The following PRKCE variants were observed in gnomAD, a reference collection of about 807,000 sequenced individuals.
PRKCE encodes the protein protein kinase C epsilon type.
PRKCE carries 16 observed loss-of-function variants against 85.4 expected under a neutral mutation model. That is an observed-to-expected ratio of 0.19 (90% CI 0.13 to 0.28). PRKCE has a LOEUF of 0.28. PRKCE is among the 10% of genes least tolerant of loss of function. The pLI, the probability that PRKCE is intolerant of heterozygous loss-of-function variation, is 1.00. For missense variants in PRKCE, 573 were observed against 975.2 expected, an observed-to-expected ratio of 0.59 and a Z score of 5.49; for synonymous variants, 388 against 371.5, an observed-to-expected ratio of 1.04 and a Z score of -0.51.
At chr2:45,978,826 C>A in intron 3 of PRKCE, 150 bp from the exon 4 acceptor site, 1 of 655,068 alleles carries the variant, frequency 1.5e-6, no homozygotes, top group Non-Finnish European at 2.6e-6. Context: ...ATTTAAGGCA[C>A]CTTGCAAGTG....
chr2:45,869,742 C>T (rs1693933924), intron 2 of PRKCE, among the ~76,000 whole-genome samples: 1 of 128,256 alleles, frequency 7.8e-6, no homozygotes, highest in Non-Finnish European at 1.6e-5. Flanking sequence ...GTGTCTCACT[C>T]TGTCACCCAG....
Position 46,145,445 on chromosome 2 carries a change from A to G in PRKCE, c.1731+214A>G, listed in dbSNP as rs1004581286. 1.3e-5 allele frequency among the ~76,000 whole-genome samples: 2 copies of G among 152,174 alleles called. No individual in the cohort carries two copies. The highest frequency in any genetic ancestry group is 4.8e-5 in the African/African-American group (2 of 41,438). Reference sequence around the variant, plus strand: ...TTGGGGAGATGATGAGTGAAATGAGAGTAACAGGCTATTTCCCAAACCCGG... The same window carrying G: ...TTGGGGAGATGATGAGTGAAATGAGGGTAACAGGCTATTTCCCAAACCCGG... On this transcript the variant is annotated intron_variant, in intron 12 of 14. Coordinates refer to ENST00000306156, the MANE Select transcript of PRKCE (RefSeq NM_005400.3). The surrounding 1 kb of genome is among the most constrained non-coding windows in gnomAD (Gnocchi z 4.6).
chr2:46,016,789 A>T (rs1706192145), intron 10 of PRKCE, among the ~76,000 whole-genome samples: 2 of 151,716 alleles, frequency 1.3e-5, no homozygotes, highest in African/African-American at 4.8e-5. Flanking sequence ...GGCACCTGTA[A>T]TCCCAGCTAC....
chr2:45,901,113 T>C (rs1217555141), intron 2 of PRKCE, among the ~76,000 whole-genome samples: 1 of 152,198 alleles, frequency 6.6e-6, no homozygotes, highest in African/African-American at 2.4e-5. Context: ...TGATTTGATA[T>C]CATAAACTCT....
chr2:46,059,528 C>T (rs1468290618), intron 10 of PRKCE, among the ~76,000 whole-genome samples: 1 of 152,170 alleles, frequency 6.6e-6, no homozygotes, highest in Non-Finnish European at 1.5e-5. Context: ...GAATCTTATT[C>T]AGAAAAACTC....
At chr2:45,735,905 A>G (rs1682016912) in intron 1 of PRKCE, among the ~76,000 whole-genome samples, 1 of 152,212 alleles carries the variant, frequency 6.6e-6, no homozygotes, top group South Asian at 2.1e-4. Context: ...TGTGCTAGGC[A>G]CTGTGCCAAG....
intron 2 of PRKCE, among the ~76,000 whole-genome samples, chr2:45,889,482 TTGTC>T (rs1695554417): frequency 2.0e-5 from 3 of 152,226 alleles, no homozygotes; most frequent in Non-Finnish European, 4.4e-5. Context: ...TTAACAGAGT[TTGTC>T]TGTGGCATGT....
In PRKCE at chr2:46,187,683, T is replaced by C. The variant is rs1680545494; in HGVS notation, c.*2802T>C. On this transcript the variant is annotated 3_prime_UTR_variant, in exon 15 of 15. Coordinates refer to ENST00000306156, the MANE Select transcript of PRKCE (RefSeq NM_005400.3). ...GAAGTAGAAACATAATTTTTTTTCC[T>C]CCAAAGGTGAAAAAACAATGCATTC... 1 of 150,632 alleles carries C rather than the reference T, an allele frequency of 6.6e-6. No individual in the cohort carries two copies. Among genetic ancestry groups the C allele is most frequent in the African/African-American group, 2.5e-5 (1 of 40,790 alleles). 9.3% of individuals were successfully genotyped at this position (150,632 alleles called of 1,614,324 possible). A position where few individuals can be genotyped will look rare whatever the true frequency, so the allele number is the denominator to read the frequency against.
chr2:45,827,603 T>A (rs923403453), intron 1 of PRKCE, among the ~76,000 whole-genome samples: 1 of 152,252 alleles, frequency 6.6e-6, no homozygotes, highest in African/African-American at 2.4e-5. Flanking sequence ...CCATATATAA[T>A]TTGTACTTCA....
chr2:46,030,301 T>C (rs1276229175), intron 10 of PRKCE, among the ~76,000 whole-genome samples: 3 of 152,328 alleles, frequency 2.0e-5, no homozygotes, highest in East Asian at 1.9e-4. Context: ...ATACAACAGA[T>C]GTGAACCTCC....
rs994652108 is a variant in PRKCE, at chr2:45,895,526, C to T, written c.412+52463C>T. 3.3e-5 allele frequency among the ~76,000 whole-genome samples: 5 copies of T among 152,302 alleles called. No homozygotes were observed. The highest frequency in any genetic ancestry group is 9.6e-5 in the African/African-American group (4 of 41,554). On this transcript the variant is annotated intron_variant, in intron 2 of 14. Coordinates refer to ENST00000306156, the MANE Select transcript of PRKCE (RefSeq NM_005400.3). This position sits in a 1 kb window ranked among gnomAD's most constrained non-coding sequence, Gnocchi z 4.8. Reference sequence around the variant, plus strand: ...TTTAAAAAGGAATTAACTGTTAGGACACCAGGAAGTGCTCAATTAATTCTT... The same window carrying T: ...TTTAAAAAGGAATTAACTGTTAGGATACCAGGAAGTGCTCAATTAATTCTT...
chr2:46,102,007 T>C (rs529886919), intron 11 of PRKCE, among the ~76,000 whole-genome samples: 1 of 152,108 alleles, frequency 6.6e-6, no homozygotes, highest in Non-Finnish European at 1.5e-5. Flanking sequence ...AACAATCTGC[T>C]CTTGTGAGCT....
At chr2:45,930,915 G>A (rs748764218) in intron 2 of PRKCE, among the ~76,000 whole-genome samples, 1 of 152,200 alleles carries the variant, frequency 6.6e-6, no homozygotes, top group Non-Finnish European at 1.5e-5. Flanking sequence ...GGGTCAGATT[G>A]TATGCCGGGT....
At chr2:45,984,487 G>A (rs1026159790) in intron 5 of PRKCE, 64 bp from the exon 6 acceptor site, 41 of 1,568,148 alleles carry the variant, frequency 2.6e-5, no homozygotes, top group Middle Eastern at 1.7e-4. Context: ...TGAGAGTTCC[G>A]TTGACAAGTC....
chr2:46,156,127 T>C (rs76600681), intron 13 of PRKCE, among the ~76,000 whole-genome samples: 11,455 of 150,490 alleles, frequency 0.076, 439 homozygotes, highest in African/African-American at 0.088. Context: ...ACTCATCACA[T>C]TGTGATTAGA....
chr2:45,744,389 C>T (rs1682852397), intron 1 of PRKCE, among the ~76,000 whole-genome samples: 1 of 151,794 alleles, frequency 6.6e-6, no homozygotes, highest in African/African-American at 2.4e-5. Context: ...AACCCAGTTG[C>T]CTGGTCTTTC....
At chr2:45,776,711 A>G (rs1685775807) in intron 1 of PRKCE, among the ~76,000 whole-genome samples, 1 of 152,178 alleles carries the variant, frequency 6.6e-6, no homozygotes, top group South Asian at 2.1e-4. Flanking sequence ...TCCCTCCACC[A>G]TGACACTCTG....
At chr2:45,987,858 C>T (rs1056632910) in intron 6 of PRKCE, among the ~76,000 whole-genome samples, 11 of 152,270 alleles carry the variant, frequency 7.2e-5, no homozygotes, top group Admixed American at 1.3e-4. Context: ...GCCCTGTAGA[C>T]TCCTTACCCT....
chr2:45,775,681 A>C (rs1481715310), intron 1 of PRKCE, among the ~76,000 whole-genome samples: 1 of 151,988 alleles, frequency 6.6e-6, no homozygotes, highest in African/African-American at 2.4e-5. Flanking sequence ...GTCACCTCCT[A>C]ATGGGTCTCT....
Sources: gnomAD v4.1 joint callset for allele counts (sites outside exome capture counted in the v4.1 genomes callset) on GRCh38, gnomAD v4.1.1 for gene constraint, Gnocchi (gnomAD v3.1) non-coding constraint, MANE v1.5 for transcripts, NCBI Gene and HGNC (gene_info 2026-07-23, HGNC 2026-07-21) for gene names.